AHDC1: variants seen among roughly 807,000 people sequenced by gnomAD.
AHDC1 encodes AT-hook DNA binding motif containing 1.
Under a neutral mutation model 87.9 loss-of-function variants are expected in AHDC1, and 7 were observed. The observed-to-expected ratio is 0.08, with a 90% confidence interval of 0.05 to 0.15. The LOEUF (loss-of-function observed/expected upper bound fraction) is 0.15. AHDC1 is among the 10% of genes least tolerant of loss of function. The pLI is 1.00. For missense variants in AHDC1, 1,841 were observed against 2,253.2 expected (o/e 0.82, Z 3.70); for synonymous variants, 1,051 against 1,006.8 (o/e 1.04, Z -0.83).
At chr1:27,566,145 A>T (rs1448540175) in intron 3 of AHDC1, among the ~76,000 whole-genome samples, 1 of 152,242 alleles carries the variant, frequency 6.6e-6, no homozygotes, top group African/African-American at 2.4e-5. Flanking sequence ...AAAGAAAGAT[A>T]TGTATTTAGA....
In AHDC1 at chr1:27,549,321, G is replaced by A. The variant is rs1388707527; in HGVS notation, c.2795C>T (p.Thr932Ile). The change falls in exon 8 of 9, where the codon ACT becomes ATT. Residue 932 changes from threonine to isoleucine, a missense_variant. Around this residue, in one of 13 missense-constraint regions of AHDC1, gnomAD observed 378 missense variants for 399.0 expected, o/e 0.95. Coordinates refer to ENST00000673934, the MANE Select transcript of AHDC1 (RefSeq NM_001371928.1). ...PPGRAASYGL[T>I]PAASDCRAAE... ...TGCCCGGCAGTCTGAAGCGGCTGGA[G>A]TTAGCCCATAGCTTGCTGCTCGTCC... The A allele has an allele frequency of 1.2e-6, 2 of 1,609,998 alleles. No individual in the cohort carries two copies. The highest frequency in any genetic ancestry group is 1.1e-5 in the South Asian group (1 of 90,870).
chr1:27,596,261 A>G lies in AHDC1; in HGVS notation c.-629+7136T>C, dbSNP rs554203067. Reference sequence around the variant, plus strand: ...GCTGCCTCCTCGCTCCCTGGGGGGCAGCAGCGGATCCAAGCCCACCCATCT... The same window carrying G: ...GCTGCCTCCTCGCTCCCTGGGGGGCGGCAGCGGATCCAAGCCCACCCATCT... On this transcript the variant is annotated intron_variant, in intron 3 of 8. Coordinates refer to ENST00000673934, the MANE Select transcript of AHDC1 (RefSeq NM_001371928.1). Among the ~76,000 whole-genome samples the G allele has an allele frequency of 5.9e-5, 9 of 152,174 alleles. No individual in the cohort carries two copies. In the South Asian group the frequency reaches 1.9e-3, roughly 32 times the overall value.
At chr1:27,585,998 C>A (rs993365247) in intron 3 of AHDC1, among the ~76,000 whole-genome samples, 1 of 152,206 alleles carries the variant, frequency 6.6e-6, no homozygotes, top group African/African-American at 2.4e-5. Context: ...GATACTAAGA[C>A]ATGCTGGTGT....
In AHDC1 at chr1:27,548,776, A is replaced by G; in HGVS notation, c.3340T>C (p.Tyr1114His). Residue 1114 changes from tyrosine (Y) to histidine (H), a missense_variant, in exon 8 of 9, where the codon TAT becomes CAT. By Grantham distance (83) the Tyr-to-His change is moderately conservative. Transcript: ENST00000673934. The part of the protein sequence containing the change: ...GASQWPFRQG[Y>H]GGLDWASEAF... ...TCTGAGGCCCAGTCCAGGCCTCCAT[A>G]GCCCTGCCGGAAAGGCCACTGAGAA... is the stretch of plus-strand genomic sequence containing the variant. The G allele has an allele frequency of 3.1e-6, 5 of 1,613,094 alleles. No homozygotes were observed. The highest frequency in any genetic ancestry group is 4.2e-6 in the Non-Finnish European group (5 of 1,179,954).
intron 3 of AHDC1, among the ~76,000 whole-genome samples, chr1:27,572,604 A>T (rs1455284025): frequency 6.6e-6 from 1 of 152,170 alleles, no homozygotes; most frequent in Non-Finnish European, 1.5e-5. Flanking sequence ...GACAACTCCA[A>T]TTCCAAACAG....
At chr1:27,554,908 G>C (rs2019750871) in intron 5 of AHDC1, among the ~76,000 whole-genome samples, 1 of 152,198 alleles carries the variant, frequency 6.6e-6, no homozygotes, top group South Asian at 2.1e-4. Context: ...AGCAGCCTGG[G>C]AGGCATGATT....
At chr1:27,573,028 A>C (rs1287748502) in intron 3 of AHDC1, among the ~76,000 whole-genome samples, 1 of 152,228 alleles carries the variant, frequency 6.6e-6, no homozygotes, top group Admixed American at 6.5e-5. Context: ...CTAGGGAAGC[A>C]GCGGTGCCAC....
At chr1:27,603,052 G>A (rs2089580090) in intron 3 of AHDC1, among the ~76,000 whole-genome samples, 2 of 148,398 alleles carry the variant, frequency 1.3e-5, no homozygotes, top group African/African-American at 2.5e-5. Context: ...AAGGCGGAGG[G>A]AGGGGGAAGG....
In AHDC1 at chr1:27,602,014, A is replaced by G. The variant is rs531167830; in HGVS notation, c.-629+1383T>C. Among the ~76,000 whole-genome samples, 174 of 152,320 alleles carry G rather than the reference A, an allele frequency of 1.1e-3. 1 individual carries two copies. The highest frequency in any genetic ancestry group is 4.0e-3 in the African/African-American group (167 of 41,586). On this transcript the variant is annotated intron_variant, in intron 3 of 8. Transcript: ENST00000673934. Reference sequence around the variant, plus strand: ...GAAACGCCTGCCCAGCCAGACAGGCACAGGCCCCCCAAGGGTCCCTCCTTG... The same window carrying G: ...GAAACGCCTGCCCAGCCAGACAGGCGCAGGCCCCCCAAGGGTCCCTCCTTG...
rs758990586 is a variant in AHDC1, at chr1:27,549,191, C to T, written c.2925G>A (p.Gly975=). 3 of 1,592,188 alleles carry T rather than the reference C, an allele frequency of 1.9e-6. No homozygotes were observed. Among genetic ancestry groups the T allele is most frequent in the Non-Finnish European group, 2.6e-6 (3 of 1,169,202 alleles). Residue 975 remains glycine, a synonymous_variant, in exon 8 of 9, where the codon GGG becomes GGA. Transcript: ENST00000673934. ...NTYLPQYGGY[G]AGQSVFAPTK... is the part of the protein sequence containing the mutation. ...TTGGGGCGAATACGCTTTGTCCGGC[C>T]CCATAGCCGCCGTACTGGGGCAGGT... is the stretch of plus-strand genomic sequence containing the variant.
intron 3 of AHDC1, among the ~76,000 whole-genome samples, chr1:27,592,574 T>TCCCCCCCCCCCGCCCCCC (rs1214895030): frequency 1.5e-5 from 1 of 65,160 alleles, no homozygotes; most frequent in African/African-American, 5.7e-5. Flanking sequence ...TCCCCCGCCC[T>TCCCCCCCCCCCGCCCCCC]CCCCCCCCCA....
chr1:27,599,305 C>G (rs2089465917), intron 3 of AHDC1, among the ~76,000 whole-genome samples: 2 of 152,120 alleles, frequency 1.3e-5, no homozygotes, highest in African/African-American at 4.8e-5. Flanking sequence ...CCTCCCAGCT[C>G]TGGCTCTCTC....
chr1:27,575,469 C>CG (rs2088694710), intron 3 of AHDC1, among the ~76,000 whole-genome samples: 1 of 152,124 alleles, frequency 6.6e-6, no homozygotes, highest in African/African-American at 2.4e-5. Context: ...AGGTCTCCCC[C>CG]CACCACCCTC....
intron 3 of AHDC1, among the ~76,000 whole-genome samples, chr1:27,575,497 T>G (rs868391090): frequency 2.4e-4 from 36 of 150,568 alleles, no homozygotes; most frequent in African/African-American, 8.3e-4. Flanking sequence ...AGGCGCCCCC[T>G]AGGGTCGGGC....
At position 27,598,252 on chromosome 1, in the gene AHDC1, A is replaced by G. The variant is rs1235427362; in HGVS notation, c.-629+5145T>C. Among the ~76,000 whole-genome samples the G allele has an allele frequency of 2.0e-5, 3 of 152,192 alleles. No individual in the cohort carries two copies. The highest frequency in any genetic ancestry group is 7.2e-5 in the African/African-American group (3 of 41,436). On this transcript the variant is annotated intron_variant, in intron 3 of 8. Coordinates refer to ENST00000673934, the MANE Select transcript of AHDC1 (RefSeq NM_001371928.1). The surrounding 1 kb of genome is among the most constrained non-coding windows in gnomAD (Gnocchi z 4.2). ...GCTCCCAGGCCAAGGACCCCAGAGCAGAAGAGGAGAGAAAACAGGGCCTCA... is the reference window on the plus strand; with the variant it reads ...GCTCCCAGGCCAAGGACCCCAGAGCGGAAGAGGAGAGAAAACAGGGCCTCA...
In AHDC1 at chr1:27,592,166, CTCTGAGCCCAGAG is replaced by C. The variant is rs2089239947; in HGVS notation, c.-629+11218_-629+11230del. The stretch of plus-strand genomic sequence containing the variant: ...GCCTCATTAGTATCTTAGCCCCAAG[CTCTGAGCCCAGAG>C]TCTATGTGTGTGCACACGCATGAGG... On this transcript the variant is annotated intron_variant, in intron 3 of 8. Coordinates refer to ENST00000673934, the MANE Select transcript of AHDC1 (RefSeq NM_001371928.1). 2.6e-5 allele frequency among the ~76,000 whole-genome samples: 4 copies of C among 152,338 alleles called. No individual in the cohort carries two copies. The South Asian group carries it at 8.3e-4, about 32-fold the overall frequency.
chr1:27,545,035 T>C (rs1368773061), intron 8 of AHDC1, among the ~76,000 whole-genome samples: 1 of 152,094 alleles, frequency 6.6e-6, no homozygotes, highest in East Asian at 1.9e-4. Context: ...TCCACACTGC[T>C]GTTCCCTCTG....
At position 27,558,650 on chromosome 1, in the gene AHDC1, T is replaced by C. The variant is rs2019932355; in HGVS notation, c.-451+56A>G. The C allele has an allele frequency of 5.0e-6, 2 of 398,312 alleles. No homozygotes were observed. The highest frequency in any genetic ancestry group is 4.4e-5 in the Admixed American group (1 of 22,738). The allele number at this position is 398,312 out of a possible 1,614,324, so 24.7% of individuals were successfully genotyped here. ...GGGACTGGGAGGCAAGTTCCCCTGATCCCCACTTCCTGGGGGTGGCCCAGG... is the reference window on the plus strand; with the variant it reads ...GGGACTGGGAGGCAAGTTCCCCTGACCCCCACTTCCTGGGGGTGGCCCAGG... On this transcript the variant is annotated intron_variant, in intron 4 of 8. Transcript: ENST00000673934. The surrounding 1 kb of genome is among the most constrained non-coding windows in gnomAD (Gnocchi z 5.6).
intron 8 of AHDC1, among the ~76,000 whole-genome samples, chr1:27,539,491 G>C (rs2018809125): frequency 6.6e-6 from 1 of 151,670 alleles, no homozygotes; most frequent in Admixed American, 6.6e-5. Flanking sequence ...TGTTGCCCAG[G>C]CTGGAGTACA....
Sources: gnomAD v4.1 joint callset for allele counts (sites outside exome capture counted in the v4.1 genomes callset) on GRCh38, gnomAD v4.1.1 for gene constraint, gnomAD v4.1.1 regional missense constraint, Gnocchi (gnomAD v3.1) non-coding constraint, MANE v1.5 for transcripts, NCBI Gene and HGNC (gene_info 2026-07-23, HGNC 2026-07-21) for gene names.